The following SLC8A1 variants were observed in gnomAD, a reference collection of about 807,000 sequenced individuals.
SLC8A1 encodes sodium/calcium exchanger 1.
SLC8A1 carries 18 observed loss-of-function variants against 68.3 expected under a neutral mutation model. That is an observed-to-expected ratio of 0.26 (90% CI 0.18 to 0.39). The LOEUF (loss-of-function observed/expected upper bound fraction) is 0.39, where lower values mean the gene tolerates loss of function less well. Ranked by LOEUF, SLC8A1 falls within the 10% of genes least tolerant of loss-of-function variation. The probability of loss-of-function intolerance (pLI) is 1.00; values close to 1 mark genes in which losing one functional copy is unlikely to be tolerated. For missense variants in SLC8A1, 985 were observed against 1,156.7 expected (o/e 0.85, Z 2.15); for synonymous variants, 475 against 415.5 (o/e 1.14, Z -1.74).
chr2:40,373,504 T>C (rs1391673909), intron 2 of SLC8A1, among the ~76,000 whole-genome samples: 3 of 152,098 alleles, frequency 2.0e-5, no homozygotes, highest in African/African-American at 4.8e-5. Flanking sequence ...TTTACAGTTG[T>C]GGGAGGTGGG....
chr2:40,263,327 G>A (rs375725887), intron 2 of SLC8A1, among the ~76,000 whole-genome samples: 1 of 152,282 alleles, frequency 6.6e-6, no homozygotes, highest in South Asian at 2.1e-4. Context: ...CACAGTGCTA[G>A]CTGTAATTCA....
intron 7 of SLC8A1, among the ~76,000 whole-genome samples, chr2:40,135,870 C>T (rs1364009705): frequency 6.6e-6 from 1 of 152,140 alleles, no homozygotes; most frequent in African/African-American, 2.4e-5. Context: ...AAGGATAAGG[C>T]CATTGGGCAG....
intron 2 of SLC8A1, among the ~76,000 whole-genome samples, chr2:40,209,386 G>A (rs72794749): frequency 0.039 from 5,988 of 152,220 alleles, 153 homozygotes; most frequent in Non-Finnish European, 0.062. Flanking sequence ...CATTTCTATG[G>A]CTGGAGAAAA....
intron 1 of SLC8A1, among the ~76,000 whole-genome samples, chr2:40,481,837 A>C (rs1374537376): frequency 6.6e-6 from 1 of 152,226 alleles, no homozygotes; most frequent in African/African-American, 2.4e-5. Flanking sequence ...CAAATTCTGC[A>C]AAATGAAGTT....
chr2:40,494,055 T>C (rs1378265449), intron 1 of SLC8A1, among the ~76,000 whole-genome samples: 3 of 151,942 alleles, frequency 2.0e-5, no homozygotes, highest in Non-Finnish European at 4.4e-5. Context: ...GTGCTTTCTC[T>C]CCTTTACAGG....
chr2:40,404,073 T>G (rs1201209770), intron 2 of SLC8A1, among the ~76,000 whole-genome samples: 1 of 152,192 alleles, frequency 6.6e-6, no homozygotes, highest in Admixed American at 6.5e-5. Flanking sequence ...TCAGCATTTT[T>G]TTTTAAGACA....
chr2:40,484,323 A>G (rs1003161456), intron 1 of SLC8A1, among the ~76,000 whole-genome samples: 1 of 152,194 alleles, frequency 6.6e-6, no homozygotes. Flanking sequence ...GCATTATCCA[A>G]TGCCAGAGGA....
intron 2 of SLC8A1, among the ~76,000 whole-genome samples, chr2:40,407,885 C>A (rs1690876822): frequency 2.6e-5 from 4 of 152,202 alleles, no homozygotes. Flanking sequence ...CCTGTTCAGT[C>A]TCTTCTGAGG....
In SLC8A1 at chr2:40,128,642, G is replaced by A. The variant is rs146468240; in HGVS notation, c.2437+10759C>T. Among the ~76,000 whole-genome samples the A allele has an allele frequency of 9.2e-5, 14 of 152,244 alleles. No individual in the cohort carries two copies. In the East Asian group the frequency reaches 2.1e-3, roughly 23 times the overall value. On this transcript the variant is annotated intron_variant, in intron 7 of 7. Transcript: ENST00000406785. The stretch of plus-strand genomic sequence containing the variant: ...AAGAGTCACAGTGCTAATTCTAAGC[G>A]CCATTGTGTGATCCCCACCCCCAGC...
intron 2 of SLC8A1, among the ~76,000 whole-genome samples, chr2:40,205,470 T>C (rs2055226770): frequency 6.6e-6 from 1 of 152,036 alleles, no homozygotes; most frequent in Non-Finnish European, 1.5e-5. Flanking sequence ...CCACATTTTC[T>C]TTATCCAGTC....
intron 1 of SLC8A1, among the ~76,000 whole-genome samples, 161 bp downstream of exon 1, chr2:40,451,743 A>T (rs1015514876): frequency 3.2e-3 from 267 of 82,916 alleles, no homozygotes; most frequent in East Asian, 0.025. Flanking sequence ...CACATCACAC[A>T]CACACACACA....
At chr2:40,156,209 A>T (rs916771579) in intron 6 of SLC8A1, among the ~76,000 whole-genome samples, 11 of 152,218 alleles carry the variant, frequency 7.2e-5, no homozygotes, top group Non-Finnish European at 1.0e-4. Flanking sequence ...ATGGCCATCG[A>T]CAGAGCTCCC....
At chr2:40,440,078 A>C (rs1468838932) in intron 1 of SLC8A1, among the ~76,000 whole-genome samples, 1 of 152,148 alleles carries the variant, frequency 6.6e-6, no homozygotes, top group Non-Finnish European at 1.5e-5. Flanking sequence ...GTGACATGGG[A>C]AAACACAACA....
intron 1 of SLC8A1, among the ~76,000 whole-genome samples, chr2:40,438,680 T>C (rs905019154): frequency 6.6e-6 from 1 of 152,164 alleles, no homozygotes; most frequent in East Asian, 1.9e-4. Flanking sequence ...AGAAATGATA[T>C]GGACAAAGGC....
intron 4 of SLC8A1, among the ~76,000 whole-genome samples, chr2:40,173,587 T>C (rs1332305587): frequency 6.6e-6 from 1 of 152,226 alleles, no homozygotes; most frequent in East Asian, 1.9e-4. Context: ...AGAATCACAT[T>C]GGAATTGCTT....
exon 8 of SLC8A1, chr2:40,099,146 T>G (rs1409777456): frequency 6.6e-6 from 1 of 152,018 alleles, no homozygotes; most frequent in East Asian, 1.9e-4. Flanking sequence ...ATTTCAACAA[T>G]ATGGTCAGCA....
chr2:40,285,421 T>C (rs1321750593), intron 2 of SLC8A1, among the ~76,000 whole-genome samples: 3 of 152,176 alleles, frequency 2.0e-5, no homozygotes, highest in African/African-American at 7.2e-5. Flanking sequence ...TTCTAGTGTT[T>C]TCTTTTTTTG....
At chr2:40,116,031 C>T (rs574035689) in intron 7 of SLC8A1, among the ~76,000 whole-genome samples, 1 of 152,206 alleles carries the variant, frequency 6.6e-6, no homozygotes, top group African/African-American at 2.4e-5. Flanking sequence ...ATGACAGCGG[C>T]CCAGGAATCT....
chr2:40,414,457 G>A (rs1164664884), intron 2 of SLC8A1, among the ~76,000 whole-genome samples: 1 of 152,158 alleles, frequency 6.6e-6, no homozygotes. Flanking sequence ...GAGTGTGTGG[G>A]TAACTAAAGC....
Sources: allele counts gnomAD v4.1 joint callset (sites outside exome capture counted in the v4.1 genomes callset), GRCh38; gene constraint gnomAD v4.1.1; transcripts MANE v1.5; gene names NCBI Gene and HGNC (gene_info 2026-07-23, HGNC 2026-07-21).